Variants in MROH2B observed in about 807,000 individuals in gnomAD.
MROH2B encodes the protein maestro heat-like repeat-containing protein family member 2B.
A neutral mutation model predicts 208.6 loss-of-function variants in MROH2B; 177 were observed. The observed-to-expected ratio is 0.85, with a 90% CI of 0.75 to 0.96. MROH2B has a LOEUF of 0.96. Among genes scored for constraint, MROH2B ranks in the 40% least tolerant of loss-of-function variants. The probability of loss-of-function intolerance (pLI) is 0.00; values close to 1 mark genes in which losing one functional copy is unlikely to be tolerated. For missense variants in MROH2B, 2,002 were observed against 1,878.7 expected (o/e 1.07, Z -1.21); for synonymous variants, 728 against 659.0 (o/e 1.10, Z -1.60).
At chr5:41,016,979 T>C (rs1481136969) in intron 28 of MROH2B, among the ~76,000 whole-genome samples, 1 of 152,168 alleles carries the variant, frequency 6.6e-6, no homozygotes, top group Non-Finnish European at 1.5e-5. Flanking sequence ...TTAACACACT[T>C]ATAAAATGTG....
intron 24 of MROH2B, among the ~76,000 whole-genome samples, chr5:41,019,343 T>TGTGA (rs1554047879): frequency 6.9e-6 from 1 of 144,104 alleles, no homozygotes; most frequent in African/African-American, 2.4e-5. Context: ...TGTGTGTGTG[T>TGTGA]GAGAGAGAGT....
chr5:41,046,441 G>GC (rs55760689), intron 17 of MROH2B, among the ~76,000 whole-genome samples: 18,060 of 147,308 alleles, frequency 0.12, 1,289 homozygotes, highest in Middle Eastern at 0.21. Flanking sequence ...ATAGAAAAGT[G>GC]TTTTTTTTTT....
At chr5:41,020,603 T>A (rs1742114049) in intron 24 of MROH2B, among the ~76,000 whole-genome samples, 1 of 152,194 alleles carries the variant, frequency 6.6e-6, no homozygotes, top group South Asian at 2.1e-4. Context: ...TTAATAATAT[T>A]TATTGAATAA....
rs1436296313 is a variant in MROH2B at position 41,033,134 on chromosome 5, T to C, written c.2268A>G (p.Thr756=). The C allele has an allele frequency of 5.6e-6, 9 of 1,612,858 alleles. No individual in the cohort carries two copies. Among genetic ancestry groups the C allele is most frequent in the South Asian group, 1.1e-5 (1 of 91,080 alleles). The change falls in exon 23 of 42, where the codon ACA becomes ACG. Residue 756 remains threonine (T), a synonymous_variant. Transcript: ENST00000399564. The part of the protein sequence containing the change: ...NKDMDLQMSF[T]RSITEIGIAV... ...CAATGCCAATCTCAGTGATGCTTCT[T>C]GTGAAACTCATTTGCAGATCCATGT... is the stretch of plus-strand genomic sequence containing the variant.
intron 40 of MROH2B, 118 bp downstream of exon 40, chr5:40,999,559 C>G: frequency 1.4e-6 from 1 of 700,068 alleles, no homozygotes; most frequent in Non-Finnish European, 2.3e-6. Flanking sequence ...CCTTTCTGGG[C>G]TTTAATAAAA....
intron 37 of MROH2B, among the ~76,000 whole-genome samples, chr5:41,002,904 T>G (rs73088397): frequency 0.039 from 5,879 of 151,974 alleles, 389 homozygotes; most frequent in African/African-American, 0.13. Flanking sequence ...AGAAAAAGAA[T>G]ATCTTTGTTA....
At chr5:41,013,052 T>C (rs1482112559) in intron 29 of MROH2B, among the ~76,000 whole-genome samples, 3 of 152,248 alleles carry the variant, frequency 2.0e-5, no homozygotes, top group Non-Finnish European at 4.4e-5. Context: ...AATGTTTACA[T>C]AGCAATATGT....
At position 41,032,909 on chromosome 5, in the gene MROH2B, C is replaced by T. The variant is rs923886308; in HGVS notation, c.2362-88G>A. 51 of 1,547,416 alleles carry T rather than the reference C, an allele frequency of 3.3e-5. No homozygotes were observed. In the African/African-American group the frequency reaches 6.6e-4, roughly 20 times the overall value. The stretch of plus-strand genomic sequence containing the variant: ...TGCAACCTCATCAGACCATTGGGTG[C>T]CCTGGGTCATAAACAAGGCAGAGAT... On this transcript the variant is annotated intron_variant, in intron 23 of 41. Transcript: ENST00000399564.
intron 24 of MROH2B, among the ~76,000 whole-genome samples, chr5:41,020,664 G>T (rs1051239461): frequency 2.6e-5 from 4 of 151,912 alleles, no homozygotes; most frequent in Admixed American, 6.6e-5. Context: ...TTGCCCAAAG[G>T]TGTTTATCAA....
intron 24 of MROH2B, 106 bp from the exon 25 acceptor site, chr5:41,019,124 G>T: frequency 7.1e-7 from 1 of 1,415,822 alleles, no homozygotes; most frequent in Non-Finnish European, 9.6e-7. Context: ...CAACTAACGT[G>T]TCACATTTTC....
intron 24 of MROH2B, among the ~76,000 whole-genome samples, chr5:41,028,688 C>T (rs1171248304): frequency 6.6e-6 from 1 of 152,136 alleles, no homozygotes; most frequent in African/African-American, 2.4e-5. Flanking sequence ...ATAAATATCA[C>T]AATGTCTTTA....
At chr5:41,027,022 T>G (rs1057152080) in intron 24 of MROH2B, among the ~76,000 whole-genome samples, 1 of 152,172 alleles carries the variant, frequency 6.6e-6, no homozygotes, top group Admixed American at 6.5e-5. Context: ...CCTTACACCT[T>G]ATACAAAAAT....
chr5:41,065,270 G>T, intron 4 of MROH2B, 61 bp downstream of exon 4: 2 of 1,500,734 alleles, frequency 1.3e-6, no homozygotes, highest in Non-Finnish European at 9.0e-7. Context: ...CTCCCATTTA[G>T]CTTTTAGACA....
chr5:41,015,538 G>A lies in MROH2B; in HGVS notation c.2885-60C>T, dbSNP rs549450971. 207 of 1,480,432 alleles carry A rather than the reference G, an allele frequency of 1.4e-4. No individual in the cohort carries two copies. In the African/African-American group the frequency reaches 2.6e-3, roughly 19 times the overall value. 91.7% of individuals were successfully genotyped at this position (1,480,432 alleles called of 1,614,324 possible). A position where few individuals can be genotyped will look rare whatever the true frequency, so the allele number is the denominator to read the frequency against. On this transcript the variant is annotated intron_variant, in intron 28 of 41. Coordinates refer to ENST00000399564, the MANE Select transcript of MROH2B (RefSeq NM_173489.5). ...CAAAGACCTGATAGGGGTTGAAGAG[G>A]CTGGCTATATTTTGATATGACACTA... is the stretch of plus-strand genomic sequence containing the variant.
chr5:41,017,802 A>G (rs373974743), intron 28 of MROH2B, 48 bp downstream of exon 28: 2 of 1,537,940 alleles, frequency 1.3e-6, no homozygotes, highest in Non-Finnish European at 1.8e-6. Flanking sequence ...AGAATAAAAG[A>G]AGATGGGTTT....
At chr5:41,033,010 G>A (rs4957367) in intron 23 of MROH2B, 31 bp downstream of exon 23, 1,013,714 of 1,610,574 alleles carry the variant, frequency 0.63, 322,714 homozygotes, top group Non-Finnish European at 0.65. Context: ...GAATACTCAG[G>A]GCCTTTCTTA....
In MROH2B at chr5:41,049,414, G is replaced by T. The variant is rs746281100; in HGVS notation, c.1367C>A (p.Thr456Asn). 1 of 1,612,880 alleles carries T rather than the reference G, an allele frequency of 6.2e-7. No homozygotes were observed. The highest frequency in any genetic ancestry group is 1.3e-5 in the African/African-American group (1 of 74,978). The change falls in exon 14 of 42, where the codon ACT (threonine) becomes AAT (asparagine). Residue 456 changes from threonine to asparagine, a missense_variant. Thr to Asn is a moderately conservative substitution (Grantham distance 65, BLOSUM62 0). Transcript: ENST00000399564. ...TGTGTATTCTGCAGGTACCACAAAAGTCAGGATCCTTGGCCATAGCACCTG... is the reference window on the plus strand; with the variant it reads ...TGTGTATTCTGCAGGTACCACAAAATTCAGGATCCTTGGCCATAGCACCTG... ...MPQVLWPRIL[T>N]FVVPAEYTEA...
At position 41,000,281 on chromosome 5, in the gene MROH2B, C is replaced by T. The variant is rs189708836; in HGVS notation, c.4421G>A (p.Arg1474His). The T allele has an allele frequency of 1.4e-4, 220 of 1,613,694 alleles. 1 individual carries two copies. Among genetic ancestry groups the T allele is most frequent in the Middle Eastern group, 4.9e-4 (3 of 6,084 alleles). ...CCTTGGTAGATCCTGATCAAGGAGACGGTCTAATACCCCATAGAGCTCCTG... is the reference window on the plus strand; with the variant it reads ...CCTTGGTAGATCCTGATCAAGGAGATGGTCTAATACCCCATAGAGCTCCTG... ...GLQELYGVLD[R>H]LLDQDLPRAR... is the part of the protein sequence containing the mutation. Residue 1474 changes from arginine to histidine, a missense_variant, in exon 39 of 42, where the codon CGT (arginine) becomes CAT (histidine). By Grantham distance (29) the Arg-to-His change is conservative. Coordinates refer to ENST00000399564, the MANE Select transcript of MROH2B (RefSeq NM_173489.5).
At chr5:41,018,037 A>G in intron 27 of MROH2B, 67 bp from the exon 28 acceptor site, 2 of 1,507,350 alleles carry the variant, frequency 1.3e-6, no homozygotes, top group Non-Finnish European at 8.9e-7. Flanking sequence ...TGTTCCCAAC[A>G]CTGGATCTCA....
Sources: gnomAD v4.1 joint callset for allele counts (sites outside exome capture counted in the v4.1 genomes callset) on GRCh38, gnomAD v4.1.1 for gene constraint, MANE v1.5 for transcripts, NCBI Gene and HGNC (gene_info 2026-07-23, HGNC 2026-07-21) for gene names.